The following PTPRD variants were observed in gnomAD, a reference collection of about 807,000 sequenced individuals.
The protein encoded by PTPRD is receptor-type tyrosine-protein phosphatase delta.
Under a neutral mutation model 214.5 loss-of-function variants are expected in PTPRD, and 34 were observed. That is an observed-to-expected ratio of 0.16 (90% CI 0.12 to 0.21). PTPRD has a LOEUF of 0.21. PTPRD is among the 10% of genes least tolerant of loss of function. The pLI is 1.00. For synonymous variants in PTPRD, 1,128 were observed against 845.7 expected (o/e 1.33, Z -5.79); for missense variants, 2,545 against 2,398.7 (o/e 1.06, Z -1.27).
At chr9:9,365,561 G>A (rs2057643369) in intron 9 of PTPRD, among the ~76,000 whole-genome samples, 2 of 151,502 alleles carry the variant, frequency 1.3e-5, no homozygotes, top group South Asian at 2.1e-4. Context: ...TTGCAGGGGA[G>A]TATGGCCAAT....
intron 3 of PTPRD, among the ~76,000 whole-genome samples, chr9:10,182,311 C>A (rs1017688222): frequency 3.5e-5 from 5 of 142,666 alleles, no homozygotes; most frequent in African/African-American, 1.4e-4. Flanking sequence ...GCATTTACTG[C>A]ATCAAAATGA....
At chr9:9,083,706 GA>G (rs938097251) in intron 10 of PTPRD, among the ~76,000 whole-genome samples, 2 of 151,354 alleles carry the variant, frequency 1.3e-5, no homozygotes, top group East Asian at 1.9e-4. Flanking sequence ...AAATTTACAA[GA>G]AAAAAAATAA....
intron 21 of PTPRD, among the ~76,000 whole-genome samples, chr9:8,510,993 C>T (rs528424905): frequency 6.6e-6 from 1 of 152,116 alleles, no homozygotes; most frequent in African/African-American, 2.4e-5. Context: ...TTTCACATTT[C>T]TATTAATGTT....
At chr9:9,838,486 T>A (rs530455801) in intron 5 of PTPRD, among the ~76,000 whole-genome samples, 33 of 152,298 alleles carry the variant, frequency 2.2e-4, no homozygotes, top group African/African-American at 7.9e-4. Flanking sequence ...TTGTATCTCA[T>A]TGTGGTTTTG....
At chr9:9,814,906 C>G (rs971671648) in intron 5 of PTPRD, among the ~76,000 whole-genome samples, 1 of 148,978 alleles carries the variant, frequency 6.7e-6, no homozygotes, top group Non-Finnish European at 1.5e-5. Context: ...CTCAAGCGAT[C>G]CTTTCACCTC....
intron 8 of PTPRD, among the ~76,000 whole-genome samples, chr9:9,565,043 C>G (rs1451950261): frequency 2.0e-5 from 3 of 151,368 alleles, no homozygotes; most frequent in Non-Finnish European, 4.4e-5. Flanking sequence ...GTCCTGATAA[C>G]TAACTTAATC....
rs1220332970 is a variant in PTPRD, at chr9:8,922,017, A to G, written c.-104+96680T>C. On this transcript the variant is annotated intron_variant, in intron 11 of 45. Transcript: ENST00000381196. Reference sequence around the variant, plus strand: ...GAATCCCAGTCTCTCTTCACAAAGGAGAAGTTATTACGCTAGTGAGAAGGG... The same window carrying G: ...GAATCCCAGTCTCTCTTCACAAAGGGGAAGTTATTACGCTAGTGAGAAGGG... 3.9e-5 allele frequency among the ~76,000 whole-genome samples: 6 copies of G among 152,164 alleles called. No homozygotes were observed. In the East Asian group the frequency reaches 1.2e-3, roughly 29 times the overall value.
intron 7 of PTPRD, among the ~76,000 whole-genome samples, chr9:9,598,361 G>A (rs2093515144): frequency 7.2e-5 from 11 of 151,764 alleles, no homozygotes; most frequent in Admixed American, 7.2e-4. Context: ...GCAGAGAGAA[G>A]AAAAAGGAGA....
intron 8 of PTPRD, among the ~76,000 whole-genome samples, chr9:9,505,834 A>C (rs1227147557): frequency 6.6e-6 from 1 of 151,532 alleles, no homozygotes; most frequent in Non-Finnish European, 1.5e-5. Flanking sequence ...GATATGCTTA[A>C]CTACTTCGTT....
intron 7 of PTPRD, among the ~76,000 whole-genome samples, chr9:9,696,619 C>G (rs2097379179): frequency 6.6e-6 from 1 of 152,040 alleles, no homozygotes; most frequent in African/African-American, 2.4e-5. Flanking sequence ...TTAAATATAG[C>G]TACTCTTGCT....
chr9:8,497,712 G>C (rs2097307360), intron 25 of PTPRD, among the ~76,000 whole-genome samples: 1 of 152,104 alleles, frequency 6.6e-6, no homozygotes, highest in African/African-American at 2.4e-5. Context: ...GAAAGTAAAT[G>C]AGATGGGAAA....
chr9:10,277,241 A>G (rs1188787413), intron 3 of PTPRD, among the ~76,000 whole-genome samples: 2 of 143,158 alleles, frequency 1.4e-5, no homozygotes, highest in Non-Finnish European at 3.2e-5. Flanking sequence ...CATAAAACAT[A>G]AACATAAAAA....
At chr9:10,555,809 T>C (rs1195548651) in intron 2 of PTPRD, among the ~76,000 whole-genome samples, 1 of 152,030 alleles carries the variant, frequency 6.6e-6, no homozygotes, top group East Asian at 1.9e-4. Context: ...AGAAACTAGA[T>C]TCCTCTAAGA....
At chr9:9,641,227 G>A (rs886610562) in intron 7 of PTPRD, among the ~76,000 whole-genome samples, 2 of 152,198 alleles carry the variant, frequency 1.3e-5, no homozygotes, top group Non-Finnish European at 2.9e-5. Flanking sequence ...ACTCTTGAGT[G>A]TTGGCAAGGA....
chr9:9,779,798 A>G (rs2098828526), intron 5 of PTPRD, among the ~76,000 whole-genome samples: 1 of 152,134 alleles, frequency 6.6e-6, no homozygotes, highest in Non-Finnish European at 1.5e-5. Context: ...CTTACCAGCT[A>G]TGTAAATTAG....
At chr9:8,386,828 T>C (rs917858574) in intron 37 of PTPRD, among the ~76,000 whole-genome samples, 1 of 152,066 alleles carries the variant, frequency 6.6e-6, no homozygotes, top group Non-Finnish European at 1.5e-5. Flanking sequence ...AGCAACTGGA[T>C]AGGGAAAGGG....
intron 12 of PTPRD, among the ~76,000 whole-genome samples, chr9:8,704,568 T>C (rs2098161407): frequency 6.6e-6 from 1 of 151,946 alleles, no homozygotes; most frequent in African/African-American, 2.4e-5. Context: ...TTAAGTGAGG[T>C]GATGTGTATG....
chr9:9,122,322 T>C (rs911436940), intron 10 of PTPRD, among the ~76,000 whole-genome samples: 13 of 152,202 alleles, frequency 8.5e-5, no homozygotes, highest in African/African-American at 3.1e-4. Flanking sequence ...CAAGAATTTC[T>C]ATTTTATTTT....
intron 8 of PTPRD, among the ~76,000 whole-genome samples, chr9:9,527,693 A>G (rs2074450576): frequency 6.6e-6 from 1 of 152,060 alleles, no homozygotes; most frequent in Non-Finnish European, 1.5e-5. Context: ...TTTCTTTTTT[A>G]TATGTTCTCT....
Sources: allele counts gnomAD v4.1 joint callset (sites outside exome capture counted in the v4.1 genomes callset), GRCh38; gene constraint gnomAD v4.1.1; transcripts MANE v1.5; gene names NCBI Gene and HGNC (gene_info 2026-07-23, HGNC 2026-07-21).